Variants in ZMAT3 observed in about 807,000 individuals in gnomAD.
The protein encoded by ZMAT3 is zinc finger matrin-type protein 3.
ZMAT3 carries 17 observed loss-of-function variants against 32.3 expected under a neutral mutation model. The ratio of observed to expected loss-of-function variants is 0.53; its 90% CI spans 0.36 to 0.79. The LOEUF (loss-of-function observed/expected upper bound fraction) is 0.79. ZMAT3 is among the 30% of genes least tolerant of loss of function. ZMAT3 has a pLI of 0.00. For missense variants in ZMAT3, 329 were observed against 359.7 expected (o/e 0.91, Z 0.69); for synonymous variants, 120 against 133.1 (o/e 0.90, Z 0.68).
intron 2 of ZMAT3, among the ~76,000 whole-genome samples, chr3:179,042,303 A>G (rs1719983992): frequency 6.6e-6 from 1 of 152,244 alleles, no homozygotes; most frequent in Non-Finnish European, 1.5e-5. Context: ...ATCCCTGATA[A>G]ACATGGATGC....
intron 2 of ZMAT3, among the ~76,000 whole-genome samples, chr3:179,033,370 C>T (rs1454131107): frequency 6.6e-6 from 1 of 152,100 alleles, no homozygotes; most frequent in African/African-American, 2.4e-5. Flanking sequence ...GGCGGCAGGG[C>T]CCTCTGCCTA....
intron 3 of ZMAT3, among the ~76,000 whole-genome samples, chr3:179,028,989 G>A (rs563651351): frequency 3.2e-4 from 49 of 152,014 alleles, no homozygotes; most frequent in African/African-American, 1.1e-3. Flanking sequence ...ACAAAACCCT[G>A]TCTCTACTAA....
At chr3:179,041,869 C>A (rs906557345) in intron 2 of ZMAT3, among the ~76,000 whole-genome samples, 1 of 151,794 alleles carries the variant, frequency 6.6e-6, no homozygotes, top group Non-Finnish European at 1.5e-5. Flanking sequence ...AGAGAAGAAT[C>A]AAATAGATGC....
chr3:179,064,586 T>C (rs1560099605), intron 2 of ZMAT3, among the ~76,000 whole-genome samples: 1 of 152,176 alleles, frequency 6.6e-6, no homozygotes, highest in African/African-American at 2.4e-5. Flanking sequence ...TCTGCCACTA[T>C]GCCCAGCTAA....
intron 1 of ZMAT3, among the ~76,000 whole-genome samples, chr3:179,069,497 T>C: frequency 6.6e-6 from 1 of 152,216 alleles, no homozygotes; most frequent in Non-Finnish European, 1.5e-5. Context: ...ACCTCTTCTC[T>C]TGGTCAATAG....
rs1718411575 is a variant in ZMAT3 at position 179,019,032 on chromosome 3, A to G, written c.*5985T>C. 1 of 152,168 alleles carries G rather than the reference A, an allele frequency of 6.6e-6. No individual in the cohort carries two copies. 9.4% of individuals were successfully genotyped at this position (152,168 alleles called of 1,614,324 possible). On this transcript the variant is annotated 3_prime_UTR_variant, in exon 6 of 6. Transcript: ENST00000311417. The stretch of plus-strand genomic sequence containing the variant: ...AGGGAGAAAAGCAGCAACAGATTGA[A>G]ATGAGGTATTCGCTGATTTCATAAA...
chr3:179,056,582 A>G (rs1720858695), intron 2 of ZMAT3, among the ~76,000 whole-genome samples: 1 of 152,200 alleles, frequency 6.6e-6, no homozygotes, highest in South Asian at 2.1e-4. Flanking sequence ...CATTAACCAG[A>G]TGATCCAGCA....
intron 2 of ZMAT3, among the ~76,000 whole-genome samples, chr3:179,052,613 T>C (rs1265076957): frequency 1.3e-5 from 2 of 152,056 alleles, no homozygotes; most frequent in Non-Finnish European, 2.9e-5. Context: ...GAACTAAAAG[T>C]AGATCTACCA....
chr3:179,051,160 T>G (rs746905217), intron 2 of ZMAT3, among the ~76,000 whole-genome samples: 3 of 152,064 alleles, frequency 2.0e-5, no homozygotes, highest in South Asian at 2.1e-4. Flanking sequence ...GAGAAAGAAA[T>G]AAAGGGCATC....
At chr3:179,039,039 G>A (rs1576850116) in intron 2 of ZMAT3, among the ~76,000 whole-genome samples, 1 of 152,342 alleles carries the variant, frequency 6.6e-6, no homozygotes, top group Admixed American at 6.5e-5. Flanking sequence ...GGCTTGAGTA[G>A]GTAAACAAAG....
intron 2 of ZMAT3, among the ~76,000 whole-genome samples, chr3:179,039,255 T>G (rs548708658): frequency 2.6e-5 from 4 of 152,224 alleles, no homozygotes; most frequent in Non-Finnish European, 5.9e-5. Flanking sequence ...AGACTGCCTC[T>G]TCAAGTGGCT....
Position 179,022,906 on chromosome 3 carries a change from C to G in ZMAT3, c.*2111G>C, listed in dbSNP as rs1215293311. 2 of 152,060 alleles carry G rather than the reference C, an allele frequency of 1.3e-5. No individual in the cohort carries two copies. Among genetic ancestry groups the G allele is most frequent in the South Asian group, 4.1e-4 (2 of 4,826 alleles). The allele number at this position is 152,060 out of a possible 1,614,324, so 9.4% of individuals were successfully genotyped here. On this transcript the variant is annotated 3_prime_UTR_variant, in exon 6 of 6. Coordinates refer to ENST00000311417, the MANE Select transcript of ZMAT3 (RefSeq NM_022470.4). ...GAAGAATGATTGTAATTTGCCTTCC[C>G]CAATTTTTTTTGCCTACAGAATTAT... is the stretch of plus-strand genomic sequence containing the variant.
intron 2 of ZMAT3, among the ~76,000 whole-genome samples, chr3:179,052,118 G>C (rs542213114): frequency 6.6e-6 from 1 of 151,882 alleles, no homozygotes; most frequent in Non-Finnish European, 1.5e-5. Context: ...CTTAAGCAAA[G>C]ACTTCAACAA....
rs769069400 is a variant in ZMAT3, at chr3:179,025,083, C to T, written c.804G>A (p.Lys268=). 8.1e-6 allele frequency: 13 copies of T among 1,614,094 alleles called. No homozygotes were observed. The highest frequency in any genetic ancestry group is 1.1e-5 in the Non-Finnish European group (13 of 1,180,042). The part of the protein sequence containing the change: ...EMEFRQHLES[K]QHKSKVSEQR... ...GTTCAGACACCTTGCTCTTATGTTG[C>T]TTGCTCTCTAAATGCTGCCGGAATT... Residue 268 remains lysine (K), a synonymous_variant, in exon 6 of 6, where the codon AAG becomes AAA. Coordinates refer to ENST00000311417, the MANE Select transcript of ZMAT3 (RefSeq NM_022470.4).
chr3:179,052,342 T>C (rs9755563), intron 2 of ZMAT3, among the ~76,000 whole-genome samples: 92,379 of 151,326 alleles, frequency 0.61, 28,311 homozygotes, highest in East Asian at 0.8. Context: ...AGGCCATGAA[T>C]AGACAATTCT....
At chr3:179,038,214 C>T (rs992907640) in intron 2 of ZMAT3, among the ~76,000 whole-genome samples, 3 of 152,134 alleles carry the variant, frequency 2.0e-5, no homozygotes, top group Non-Finnish European at 4.4e-5. Flanking sequence ...GAGAGACCAA[C>T]CTGGAGTTTA....
chr3:179,024,855 C>T lies in ZMAT3; in HGVS notation c.*162G>A, dbSNP rs890515860. ...CACACCCACCTCCCCCCGCCCCGCC[C>T]CCGGGCCCCCAGGTTTTGACATCTC... On this transcript the variant is annotated 3_prime_UTR_variant, in exon 6 of 6. Transcript: ENST00000311417. 1 of 531,870 alleles carries T rather than the reference C, an allele frequency of 1.9e-6. No individual in the cohort carries two copies. The highest frequency in any genetic ancestry group is 1.9e-5 in the African/African-American group (1 of 51,342). The allele number at this position is 531,870 out of a possible 1,614,324, so 32.9% of individuals were successfully genotyped here.
intron 2 of ZMAT3, among the ~76,000 whole-genome samples, chr3:179,032,446 T>A (rs915900965): frequency 2.6e-5 from 4 of 151,454 alleles, no homozygotes; most frequent in African/African-American, 9.7e-5. Flanking sequence ...GTGAGGAGCG[T>A]CTCTGCCTGG....
intron 2 of ZMAT3, among the ~76,000 whole-genome samples, chr3:179,061,287 T>A (rs1456000378): frequency 6.6e-6 from 1 of 151,968 alleles, no homozygotes; most frequent in Admixed American, 6.5e-5. Context: ...GAAAATTCCA[T>A]ACAATAAATA....
Sources: allele counts gnomAD v4.1 joint callset (sites outside exome capture counted in the v4.1 genomes callset), GRCh38; gene constraint gnomAD v4.1.1; transcripts MANE v1.5; gene names NCBI Gene and HGNC (gene_info 2026-07-23, HGNC 2026-07-21).